The following ELMO1 variants were observed in gnomAD, a reference collection of about 807,000 sequenced individuals.
The protein encoded by ELMO1 is engulfment and cell motility protein 1.
Under a neutral mutation model 98.9 loss-of-function variants are expected in ELMO1, and 26 were observed. The ratio of observed to expected loss-of-function variants is 0.26; its 90% CI spans 0.19 to 0.36. ELMO1 has a LOEUF of 0.36. Among genes scored for constraint, ELMO1 ranks in the 10% least tolerant of loss-of-function variants. The pLI is 1.00. For synonymous variants in ELMO1, 346 were observed against 346.0 expected (o/e 1.00, Z 0.00); for missense variants, 627 against 935.2 (o/e 0.67, Z 4.30).
At chr7:36,890,011 C>A (rs775176786) in intron 17 of ELMO1, among the ~76,000 whole-genome samples, 59 of 152,172 alleles carry the variant, frequency 3.9e-4, no homozygotes, top group Non-Finnish European at 7.2e-4. Context: ...ATTAAGAAAA[C>A]ATAAGTAAGC....
intron 14 of ELMO1, among the ~76,000 whole-genome samples, chr7:37,117,905 C>T (rs751382608): frequency 2.6e-5 from 4 of 152,062 alleles, no homozygotes; most frequent in Non-Finnish European, 5.9e-5. Context: ...AAAAAGGTTC[C>T]TTTACATGGA....
intron 13 of ELMO1, among the ~76,000 whole-genome samples, chr7:37,163,564 T>A (rs1486566507): frequency 1.3e-5 from 2 of 149,814 alleles, no homozygotes; most frequent in African/African-American, 4.9e-5. Context: ...CATTGTTCAA[T>A]TCCCACCTAT....
rs375968458 is a variant in ELMO1 at position 37,165,099 on chromosome 7, T to C, written c.1087-31865A>G. On this transcript the variant is annotated intron_variant, in intron 13 of 21. Coordinates refer to ENST00000310758, the MANE Select transcript of ELMO1 (RefSeq NM_014800.11). Reference sequence around the variant, plus strand: ...AGGTATTTTATTCTCTTTGAAGCAATTGTGAATAGGAGTTCACTCATGATT... The same window carrying C: ...AGGTATTTTATTCTCTTTGAAGCAACTGTGAATAGGAGTTCACTCATGATT... 3.9e-5 allele frequency among the ~76,000 whole-genome samples: 6 copies of C among 152,250 alleles called. No homozygotes were observed. In the East Asian group the frequency reaches 9.6e-4, roughly 24 times the overall value.
At chr7:36,891,023 T>A (rs1315120673) in intron 17 of ELMO1, among the ~76,000 whole-genome samples, 1 of 152,144 alleles carries the variant, frequency 6.6e-6, no homozygotes, top group Non-Finnish European at 1.5e-5. Flanking sequence ...CATGGCCTGC[T>A]CCCTTAGTCC....
chr7:37,199,839 T>A (rs1364153539), intron 13 of ELMO1, among the ~76,000 whole-genome samples: 1 of 151,886 alleles, frequency 6.6e-6, no homozygotes, highest in African/African-American at 2.4e-5. Flanking sequence ...TAAGTGGGAG[T>A]TCTTGATCTC....
At chr7:37,005,937 C>T (rs1458674735) in intron 16 of ELMO1, among the ~76,000 whole-genome samples, 1 of 152,138 alleles carries the variant, frequency 6.6e-6, no homozygotes, top group African/African-American at 2.4e-5. Flanking sequence ...GTCATCAGGG[C>T]GCACAGCCAT....
chr7:37,034,156 T>C (rs1244062844), intron 15 of ELMO1, among the ~76,000 whole-genome samples: 1 of 152,198 alleles, frequency 6.6e-6, no homozygotes, highest in African/African-American at 2.4e-5. Context: ...CTAACCCCAG[T>C]ACCTCAGAAT....
intron 1 of ELMO1, chr7:37,375,399 G>C (rs970483144): frequency 3.4e-6 from 2 of 595,638 alleles, no homozygotes; most frequent in African/African-American, 1.9e-5. Context: ...CAGAATTCAG[G>C]CCCCTCCCAT....
chr7:36,904,460 C>T (rs990374083), intron 16 of ELMO1, among the ~76,000 whole-genome samples: 1 of 152,078 alleles, frequency 6.6e-6, no homozygotes, highest in Non-Finnish European at 1.5e-5. Flanking sequence ...GTGTTGAGGG[C>T]CTTGGTGTTA....
chr7:37,041,721 C>T (rs1396740605), intron 15 of ELMO1, among the ~76,000 whole-genome samples: 2 of 152,116 alleles, frequency 1.3e-5, no homozygotes, highest in African/African-American at 4.8e-5. Flanking sequence ...TCAAGCTGTG[C>T]TCGGTGGTGA....
intron 13 of ELMO1, among the ~76,000 whole-genome samples, chr7:37,201,197 T>C (rs1255524886): frequency 3.3e-5 from 5 of 152,306 alleles, no homozygotes; most frequent in South Asian, 2.1e-4. Context: ...AACTTCCCCA[T>C]ACAGCTTTGC....
At chr7:37,410,451 C>T (rs35018519) in intron 1 of ELMO1, among the ~76,000 whole-genome samples, 27,031 of 152,208 alleles carry the variant, frequency 0.18, 2,961 homozygotes, top group East Asian at 0.31. Context: ...CAACCCTCCC[C>T]ACAACCCCAT....
chr7:37,288,381 T>C (rs192525270), intron 4 of ELMO1, among the ~76,000 whole-genome samples: 109 of 152,312 alleles, frequency 7.2e-4, no homozygotes, highest in African/African-American at 2.5e-3. Flanking sequence ...TGCGCCACCA[T>C]GCCCGGCTCA....
intron 13 of ELMO1, among the ~76,000 whole-genome samples, chr7:37,166,974 A>C (rs1316847284): frequency 6.6e-6 from 1 of 151,938 alleles, no homozygotes; most frequent in Non-Finnish European, 1.5e-5. Context: ...TGGGAGTCTA[A>C]GTCTCTTTGT....
At chr7:36,954,253 GT>G (rs1333823668) in intron 16 of ELMO1, among the ~76,000 whole-genome samples, 1 of 152,146 alleles carries the variant, frequency 6.6e-6, no homozygotes, top group African/African-American at 2.4e-5. Flanking sequence ...GGAATTGGAG[GT>G]TTGGAAAGTA....
intron 6 of ELMO1, among the ~76,000 whole-genome samples, chr7:37,257,458 C>T (rs752319923): frequency 7.3e-5 from 11 of 151,538 alleles, no homozygotes; most frequent in Non-Finnish European, 1.3e-4. Context: ...GGCACGGTGG[C>T]TCACGCCTGT....
intron 13 of ELMO1, among the ~76,000 whole-genome samples, chr7:37,192,951 AT>A (rs796505317): frequency 4.3e-5 from 6 of 138,850 alleles, no homozygotes; most frequent in East Asian, 4.0e-4. Flanking sequence ...ATACATATAT[AT>A]TTTTTATATA....
chr7:37,342,861 T>C lies in ELMO1; in HGVS notation c.-73-98A>G, dbSNP rs60600003. ...TCCTGTTTTCACTGGTGGTTTGGTA[T>C]GAAAAACGGCTCCCCTTGGTGCCTG... is the stretch of plus-strand genomic sequence containing the variant. On this transcript the variant is annotated intron_variant, in intron 1 of 21. Coordinates refer to ENST00000310758, the MANE Select transcript of ELMO1 (RefSeq NM_014800.11). This position sits in a 1 kb window ranked among gnomAD's most constrained non-coding sequence, Gnocchi z 4.3. The C allele has an allele frequency of 6.6e-6, 4 of 601,946 alleles. No individual in the cohort carries two copies. In the African/African-American group the frequency reaches 7.7e-5, roughly 12 times the overall value. 37.3% of individuals were successfully genotyped at this position (601,946 alleles called of 1,614,324 possible).
At chr7:37,247,200 G>C (rs1795060603) in intron 6 of ELMO1, among the ~76,000 whole-genome samples, 1 of 152,138 alleles carries the variant, frequency 6.6e-6, no homozygotes, top group Non-Finnish European at 1.5e-5. Flanking sequence ...GTAGACTTTG[G>C]TATGTCTGAG....
Sources: allele counts gnomAD v4.1 joint callset (sites outside exome capture counted in the v4.1 genomes callset), GRCh38; gene constraint gnomAD v4.1.1; non-coding constraint Gnocchi (gnomAD v3.1); transcripts MANE v1.5; gene names NCBI Gene and HGNC (gene_info 2026-07-23, HGNC 2026-07-21).